The following SRR variants were observed in gnomAD, a reference collection of about 807,000 sequenced individuals.
The protein encoded by SRR is serine racemase, also known as D-serine ammonia-lyase.
SRR carries 19 observed loss-of-function variants against 32.7 expected under a neutral mutation model. The ratio of observed to expected loss-of-function variants is 0.58; its 90% CI spans 0.40 to 0.85. SRR has a LOEUF of 0.85. SRR is among the 40% of genes least tolerant of loss of function. The pLI is 0.00. For missense variants in SRR, 373 were observed against 404.7 expected (o/e 0.92, Z 0.67); for synonymous variants, 142 against 140.9 (o/e 1.01, Z -0.06).
At chr17:2,303,912 C>T (rs2075350719), upstream of SRR, 7 of 301,162 alleles carry the variant, frequency 2.3e-5, no homozygotes, top group East Asian at 2.2e-4. Flanking sequence ...GGGGCGGGAC[C>T]GGAGCGAGAG....
chr17:2,306,239 C>T (rs1021930818), intron 1 of SRR, among the ~76,000 whole-genome samples: 1 of 151,622 alleles, frequency 6.6e-6, no homozygotes, highest in African/African-American at 2.4e-5. Flanking sequence ...CTGCTTGAAC[C>T]TGGGAGGCAG....
At chr17:2,306,945 T>C (rs566441347) in intron 1 of SRR, 8 of 1,135,218 alleles carry the variant, frequency 7.0e-6, no homozygotes, top group Non-Finnish European at 9.2e-6. Context: ...TTGCCACATA[T>C]GCCACTGAGG....
chr17:2,311,673 C>T (rs2151430676), intron 1 of SRR, among the ~76,000 whole-genome samples: 1 of 152,202 alleles, frequency 6.6e-6, no homozygotes, highest in East Asian at 1.9e-4. Context: ...ATTTATACAT[C>T]TTTACAATGG....
At chr17:2,306,240 T>C (rs2075389145) in intron 1 of SRR, among the ~76,000 whole-genome samples, 1 of 150,264 alleles carries the variant, frequency 6.7e-6, no homozygotes, top group African/African-American at 2.4e-5. Context: ...TGCTTGAACC[T>C]GGGAGGCAGA....
chr17:2,317,820 C>G (rs746653181), intron 2 of SRR, 50 bp from the exon 3 acceptor site: 2 of 1,582,414 alleles, frequency 1.3e-6, no homozygotes, highest in East Asian at 4.5e-5. Context: ...CCTTGCTTTC[C>G]AAAACAATGT....
At chr17:2,303,824 T>A (rs1235517111), upstream of SRR, 1 of 848,198 alleles carries the variant, frequency 1.2e-6, no homozygotes, top group Non-Finnish European at 1.7e-6. Context: ...TCCCGGCCTT[T>A]CCCCGCCCCC....
At chr17:2,322,909 G>A in intron 6 of SRR, 1 of 488,490 alleles carries the variant, frequency 2.0e-6, no homozygotes, top group South Asian at 2.1e-5. Flanking sequence ...GGATTACAGG[G>A]GTCTGCCACC....
At chr17:2,303,415 C>A, upstream of SRR, 2 of 1,256,472 alleles carry the variant, frequency 1.6e-6, no homozygotes, top group Non-Finnish European at 2.0e-6. Context: ...GGAATTCGGG[C>A]CAGGCTCTCC....
intron 1 of SRR, 67 bp from the exon 2 acceptor site, chr17:2,315,490 A>C (rs557352163): frequency 2.0e-6 from 3 of 1,480,746 alleles, no homozygotes; most frequent in Admixed American, 4.4e-5. Context: ...ACGTATTTTC[A>C]AAATCTCTTC....
intron 1 of SRR, among the ~76,000 whole-genome samples, chr17:2,312,011 A>G (rs1265090493): frequency 3.3e-5 from 5 of 152,040 alleles, no homozygotes; most frequent in Non-Finnish European, 5.9e-5. Context: ...GGGGTTTGAG[A>G]CCAGCCTGGG....
intron 1 of SRR, chr17:2,307,637 A>C: frequency 1.1e-6 from 1 of 951,532 alleles, no homozygotes; most frequent in Admixed American, 1.7e-5. Flanking sequence ...GTGCAGGCCA[A>C]TACTTTACCA....
At position 2,324,443 on chromosome 17, in the gene SRR, AAC is replaced by A; in HGVS notation, c.*572_*573del. 1 of 1,612,152 alleles carries A rather than the reference AAC, an allele frequency of 6.2e-7. No homozygotes were observed. The highest frequency in any genetic ancestry group is 8.5e-7 in the Non-Finnish European group (1 of 1,179,072). ...ATTTTAAAGCAATGACTTCCAACCC[AAC>A]AGTCATTTAGCAACACTGCAGAAAT... On this transcript the variant is annotated 3_prime_UTR_variant, in exon 8 of 8. Transcript: ENST00000344595.
In SRR at chr17:2,324,583, G is replaced by C. The variant is rs768144420; in HGVS notation, c.*710G>C. 5.0e-6 allele frequency: 8 copies of C among 1,613,880 alleles called. No homozygotes were observed. The highest frequency in any genetic ancestry group is 2.2e-5 in the South Asian group (2 of 91,080). ...GTTTAAACCACAGCACATCCTCTTA[G>C]AATCAAACACATTAAAGACCAAGAT... On this transcript the variant is annotated 3_prime_UTR_variant, in exon 8 of 8. Coordinates refer to ENST00000344595, the MANE Select transcript of SRR (RefSeq NM_021947.3).
At chr17:2,317,407 G>T (rs1045579596) in intron 2 of SRR, among the ~76,000 whole-genome samples, 1 of 151,884 alleles carries the variant, frequency 6.6e-6, no homozygotes, top group Non-Finnish European at 1.5e-5. Flanking sequence ...GGCTACTCGA[G>T]AAGCTGAGGC....
chr17:2,304,483 TCCAC>T (rs748360694), intron 1 of SRR, among the ~76,000 whole-genome samples: 2 of 150,414 alleles, frequency 1.3e-5, no homozygotes, highest in Non-Finnish European at 3.0e-5. Context: ...CCTCAGGTGA[TCCAC>T]CCGCGTCGGC....
intron 4 of SRR, 25 bp downstream of exon 4, chr17:2,318,954 A>T: frequency 1.3e-6 from 2 of 1,501,906 alleles, no homozygotes; most frequent in Non-Finnish European, 9.3e-7. Flanking sequence ...GCTTGGTACC[A>T]CCTTAACAGC....
At chr17:2,308,968 A>C (rs2075414373) in intron 1 of SRR, among the ~76,000 whole-genome samples, 1 of 151,830 alleles carries the variant, frequency 6.6e-6, no homozygotes, top group African/African-American at 2.4e-5. Flanking sequence ...AATACAAAAC[A>C]TTAGCCAGGT....
intron 4 of SRR, among the ~76,000 whole-genome samples, chr17:2,319,754 T>C (rs1393793177): frequency 2.0e-5 from 3 of 152,134 alleles, no homozygotes; most frequent in African/African-American, 7.2e-5. Context: ...GCATCCACCC[T>C]TGCCACACTA....
At chr17:2,316,470 C>T (rs1169198162) in intron 2 of SRR, among the ~76,000 whole-genome samples, 1 of 152,206 alleles carries the variant, frequency 6.6e-6, no homozygotes, top group Non-Finnish European at 1.5e-5. Context: ...AGTGTTATCA[C>T]TCTGTATATG....
Sources: allele counts gnomAD v4.1 joint callset (sites outside exome capture counted in the v4.1 genomes callset), GRCh38; gene constraint gnomAD v4.1.1; transcripts MANE v1.5; gene names NCBI Gene and HGNC (gene_info 2026-07-23, HGNC 2026-07-21).